The following ASB4 variants were observed in gnomAD, a reference collection of about 807,000 sequenced individuals.
ASB4 encodes the protein ankyrin repeat and SOCS box containing 4, also known as ankyrin repeat and SOCS box protein 4.
A neutral mutation model predicts 38.6 loss-of-function variants in ASB4; 35 were observed. The ratio of observed to expected loss-of-function variants is 0.91; its 90% CI spans 0.69 to 1.20. The LOEUF is 1.20. ASB4 is among the 50% of genes most tolerant of loss of function. The pLI is 0.00. For synonymous variants in ASB4, 195 were observed against 201.3 expected (o/e 0.97, Z 0.26); for missense variants, 557 against 527.2 (o/e 1.06, Z -0.55).
At chr7:95,490,433 T>C (rs1464782582) in intron 1 of ASB4, among the ~76,000 whole-genome samples, 1 of 152,250 alleles carries the variant, frequency 6.6e-6, no homozygotes, top group Non-Finnish European at 1.5e-5. Context: ...CTGGAAAATA[T>C]TAGCTATTAA....
intron 1 of ASB4, among the ~76,000 whole-genome samples, chr7:95,487,781 G>C (rs1790113741): frequency 6.6e-6 from 1 of 152,186 alleles, no homozygotes; most frequent in South Asian, 2.1e-4. Flanking sequence ...GTGGGATGTG[G>C]CTTTCAATTA....
At chr7:95,478,436 A>T (rs1326741946), upstream of ASB4, 1 of 152,216 alleles carries the variant, frequency 6.6e-6, no homozygotes, top group Non-Finnish European at 1.5e-5. Flanking sequence ...TTCACAGTCA[A>T]AGATGACGTG....
chr7:95,509,574 T>A (rs540408831), intron 2 of ASB4, among the ~76,000 whole-genome samples: 1 of 152,336 alleles, frequency 6.6e-6, no homozygotes, highest in African/African-American at 2.4e-5. Context: ...GTAAATAATT[T>A]AATATCTTTG....
intron 3 of ASB4, among the ~76,000 whole-genome samples, chr7:95,532,996 G>A (rs1324733212): frequency 1.3e-5 from 2 of 152,108 alleles, no homozygotes; most frequent in African/African-American, 4.8e-5. Flanking sequence ...GTTTTCATGA[G>A]GAAAATGCTG....
At chr7:95,506,596 T>C (rs1790411391) in intron 2 of ASB4, among the ~76,000 whole-genome samples, 1 of 152,188 alleles carries the variant, frequency 6.6e-6, no homozygotes, top group African/African-American at 2.4e-5. Flanking sequence ...TGCCTTCTAG[T>C]TTCCAGTACT....
intron 2 of ASB4, among the ~76,000 whole-genome samples, chr7:95,515,207 TTC>T (rs1240749156): frequency 2.0e-4 from 26 of 132,538 alleles, no homozygotes; most frequent in Non-Finnish European, 2.9e-4. Flanking sequence ...CTTTCTTTCT[TTC>T]TTTCTTTCTT....
chr7:95,529,627 A>G (rs1451835776), intron 3 of ASB4, among the ~76,000 whole-genome samples: 1 of 152,214 alleles, frequency 6.6e-6, no homozygotes, highest in Non-Finnish European at 1.5e-5. Context: ...TGGAAGATTA[A>G]CTAATTCTTT....
intron 3 of ASB4, among the ~76,000 whole-genome samples, chr7:95,535,180 G>A (rs1790873424): frequency 6.6e-6 from 1 of 152,186 alleles, no homozygotes; most frequent in Admixed American, 6.5e-5. Flanking sequence ...ACCCTACACT[G>A]AAAAAGGCAA....
chr7:95,492,500 A>G (rs568990719), intron 1 of ASB4, among the ~76,000 whole-genome samples: 1 of 152,162 alleles, frequency 6.6e-6, no homozygotes, highest in Non-Finnish European at 1.5e-5. Context: ...GAGGCAGGCA[A>G]CTCATGGCTC....
In ASB4 at chr7:95,530,009, A is replaced by G. The variant is rs185959549; in HGVS notation, c.978+1706A>G. ...GTAGAGCAATGAACCAAAGGCCTTCATGAAAGATACTTTCTAGTGGGAGAC... is the reference window on the plus strand; with the variant it reads ...GTAGAGCAATGAACCAAAGGCCTTCGTGAAAGATACTTTCTAGTGGGAGAC... On this transcript the variant is annotated intron_variant, in intron 3 of 4. Coordinates refer to ENST00000325885, the MANE Select transcript of ASB4 (RefSeq NM_016116.3). Among the ~76,000 whole-genome samples the G allele has an allele frequency of 7.2e-3, 1,089 of 151,632 alleles. 17 individuals carry two copies. The highest frequency in any genetic ancestry group is 9.1e-3 in the Admixed American group (139 of 15,200).
At chr7:95,481,885 T>A (rs1306925022), upstream of ASB4, among the ~76,000 whole-genome samples, 1 of 152,170 alleles carries the variant, frequency 6.6e-6, no homozygotes, top group Non-Finnish European at 1.5e-5. Context: ...TCTTATAGAA[T>A]GGAGAGTTTT....
downstream of ASB4, chr7:95,544,674 G>A (rs1440998588): frequency 6.6e-6 from 1 of 151,888 alleles, no homozygotes; most frequent in East Asian, 1.9e-4. Flanking sequence ...ACTCTTTGGG[G>A]GAATTTATTT....
intron 2 of ASB4, among the ~76,000 whole-genome samples, chr7:95,500,720 C>T (rs941976146): frequency 3.3e-5 from 5 of 152,194 alleles, no homozygotes; most frequent in South Asian, 2.1e-4. Flanking sequence ...GATTTCATCT[C>T]ATCTCAACTT....
At chr7:95,519,399 A>G (rs1790629446) in intron 2 of ASB4, among the ~76,000 whole-genome samples, 1 of 152,248 alleles carries the variant, frequency 6.6e-6, no homozygotes, top group South Asian at 2.1e-4. Flanking sequence ...TAAGCGAGAC[A>G]ATATATGTAA....
chr7:95,515,769 TGGACTAAA>T (rs1790576245), intron 2 of ASB4, among the ~76,000 whole-genome samples: 1 of 152,202 alleles, frequency 6.6e-6, no homozygotes, highest in South Asian at 2.1e-4. Context: ...GTATTCCCCC[TGGACTAAA>T]GGACTCCTTA....
chr7:95,527,973 C>T lies in ASB4; in HGVS notation c.648C>T (p.Ala216=), dbSNP rs1188831741. ...AHMETPLAIA[A]YWALRFKEQE... ...TGGAGACCCCCCTGGCCATCGCCGC[C>T]TACTGGGCCCTCCGCTTTAAGGAGC... is the stretch of plus-strand genomic sequence containing the variant. Residue 216 remains alanine (A), a synonymous_variant, in exon 3 of 5, where the codon GCC becomes GCT. Coordinates refer to ENST00000325885, the MANE Select transcript of ASB4 (RefSeq NM_016116.3). The T allele has an allele frequency of 6.2e-7, 1 of 1,614,158 alleles. No individual in the cohort carries two copies. The highest frequency in any genetic ancestry group is 1.3e-5 in the African/African-American group (1 of 75,034).
chr7:95,490,935 C>A (rs1377403866), intron 1 of ASB4, among the ~76,000 whole-genome samples: 1 of 152,202 alleles, frequency 6.6e-6, no homozygotes, highest in South Asian at 2.1e-4. Context: ...CTGCATGTAG[C>A]CTTCGGATCA....
At position 95,537,774 on chromosome 7, in the gene ASB4, CA is replaced by C; in HGVS notation, c.*16del. ...TTATTTATTAAGCCTTATGAGACAG[CA>C]GTTCCCAATCCTAGGTATTTAAGTG... On this transcript the variant is annotated 3_prime_UTR_variant, in exon 5 of 5. Transcript: ENST00000325885. The C allele has an allele frequency of 1.2e-6, 2 of 1,605,916 alleles. No individual in the cohort carries two copies. The highest frequency in any genetic ancestry group is 1.7e-6 in the Non-Finnish European group (2 of 1,174,486).
intron 1 of ASB4, among the ~76,000 whole-genome samples, chr7:95,487,014 A>G (rs1396956885): frequency 6.6e-6 from 1 of 152,230 alleles, no homozygotes; most frequent in African/African-American, 2.4e-5. Flanking sequence ...TTAATACAAT[A>G]TAGATGCTAA....
Sources: gnomAD v4.1 joint callset for allele counts (sites outside exome capture counted in the v4.1 genomes callset) on GRCh38, gnomAD v4.1.1 for gene constraint, MANE v1.5 for transcripts, NCBI Gene and HGNC (gene_info 2026-07-23, HGNC 2026-07-21) for gene names.